The following TCF4 variants were observed in gnomAD, a reference collection of about 807,000 sequenced individuals.
TCF4 encodes SL3-3 enhancer factor 2.
A neutral mutation model predicts 82.1 loss-of-function variants in TCF4; 3 were observed. The ratio of observed to expected loss-of-function variants is 0.04; its 90% CI spans 0.02 to 0.09. The LOEUF is 0.09. Ranked by LOEUF, TCF4 falls within the 10% of genes least tolerant of loss-of-function variation. The probability of loss-of-function intolerance (pLI) is 1.00; values close to 1 mark genes in which losing one functional copy is unlikely to be tolerated. For synonymous variants in TCF4, 276 were observed against 309.6 expected, an observed-to-expected ratio of 0.89 and a Z score of 1.14; for missense variants, 518 against 852.7, an observed-to-expected ratio of 0.61 and a Z score of 4.89.
At chr18:55,362,391 AAAGAAGGAAGGAAG>A (rs2085550563) in intron 6 of TCF4, among the ~76,000 whole-genome samples, 7 of 103,950 alleles carry the variant, frequency 6.7e-5, no homozygotes, top group African/African-American at 1.7e-4. Context: ...GGAAGGAAGG[AAAGAAGGAAGGAAG>A]GAAGGAAGGA....
At chr18:55,566,501 G>T (rs574326972) in intron 3 of TCF4, among the ~76,000 whole-genome samples, 1 of 151,996 alleles carries the variant, frequency 6.6e-6, no homozygotes, top group Admixed American at 6.5e-5. Flanking sequence ...TCACAAAAAT[G>T]AACAAGAAAT....
At chr18:55,432,159 T>G (rs1209638244) in intron 5 of TCF4, among the ~76,000 whole-genome samples, 2 of 151,966 alleles carry the variant, frequency 1.3e-5, no homozygotes, top group African/African-American at 4.8e-5. Context: ...AAAAATTAGC[T>G]GGGCCTGGTG....
intron 5 of TCF4, among the ~76,000 whole-genome samples, chr18:55,459,780 A>G (rs897424608): frequency 2.6e-5 from 4 of 152,184 alleles, no homozygotes; most frequent in African/African-American, 9.7e-5. Flanking sequence ...ACAATGTTAA[A>G]ACGTAAATAT....
chr18:55,302,565 C>A, intron 8 of TCF4: 5 of 1,534,954 alleles, frequency 3.3e-6, no homozygotes, highest in Non-Finnish European at 3.5e-6. Context: ...GCAAGCAGGA[C>A]CACAGCCCAG....
At chr18:55,480,808 C>T (rs975950188) in intron 3 of TCF4, among the ~76,000 whole-genome samples, 1 of 152,146 alleles carries the variant, frequency 6.6e-6, no homozygotes, top group Non-Finnish European at 1.5e-5. Context: ...ATAGGCCAGG[C>T]GTGGTGGCTT....
intron 3 of TCF4, among the ~76,000 whole-genome samples, chr18:55,581,674 T>C (rs2097576293): frequency 1.3e-5 from 2 of 152,056 alleles, no homozygotes; most frequent in African/African-American, 4.8e-5. Flanking sequence ...CATACAAAAC[T>C]ACCCACCGGA....
intron 3 of TCF4, among the ~76,000 whole-genome samples, chr18:55,515,020 T>C (rs2146365354): frequency 6.6e-6 from 1 of 152,244 alleles, no homozygotes; most frequent in South Asian, 2.1e-4. Context: ...ACCTATAATA[T>C]TACTTTCTTA....
At chr18:55,515,655 C>T (rs2096873944) in intron 3 of TCF4, among the ~76,000 whole-genome samples, 1 of 152,168 alleles carries the variant, frequency 6.6e-6, no homozygotes, top group Non-Finnish European at 1.5e-5. Flanking sequence ...AAGCCAATCA[C>T]ACATGCTACT....
At chr18:55,236,151 A>G (rs549964401) in intron 15 of TCF4, among the ~76,000 whole-genome samples, 1 of 152,040 alleles carries the variant, frequency 6.6e-6, no homozygotes, top group Admixed American at 6.6e-5. Context: ...AATCATATTA[A>G]TTGTTTGGAT....
intron 3 of TCF4, among the ~76,000 whole-genome samples, chr18:55,544,449 A>T (rs1463116936): frequency 1.3e-5 from 2 of 152,084 alleles, no homozygotes; most frequent in African/African-American, 4.8e-5. Flanking sequence ...CTCTTTAAGG[A>T]TTTTGCTAAG....
intron 8 of TCF4, among the ~76,000 whole-genome samples, chr18:55,309,231 TCTC>T (rs1478237895): frequency 1.3e-5 from 2 of 151,954 alleles, no homozygotes; most frequent in African/African-American, 4.8e-5. Flanking sequence ...CCTGCCTCAA[TCTC>T]CTAAGTAGCT....
intron 3 of TCF4, among the ~76,000 whole-genome samples, chr18:55,563,919 T>G (rs991873430): frequency 2.0e-5 from 3 of 152,260 alleles, no homozygotes; most frequent in Admixed American, 6.5e-5. Flanking sequence ...CCAATGACAC[T>G]ATGACTAAAT....
intron 3 of TCF4, among the ~76,000 whole-genome samples, chr18:55,490,496 TAGC>T (rs1469746757): frequency 1.3e-5 from 2 of 151,702 alleles, no homozygotes; most frequent in Non-Finnish European, 3.0e-5. Context: ...GTACTATACT[TAGC>T]AGAGTATCAT....
At chr18:55,531,578 T>A (rs926177008) in intron 3 of TCF4, among the ~76,000 whole-genome samples, 4 of 152,222 alleles carry the variant, frequency 2.6e-5, no homozygotes, top group Admixed American at 2.6e-4. Flanking sequence ...TGGCTACTAC[T>A]ATTTTGTAGA....
intron 3 of TCF4, among the ~76,000 whole-genome samples, chr18:55,567,866 G>T (rs1252785706): frequency 6.6e-6 from 1 of 152,080 alleles, no homozygotes; most frequent in Non-Finnish European, 1.5e-5. Flanking sequence ...AAATATCAAA[G>T]AACTGTTGCC....
At chr18:55,345,357 C>A (rs752803365) in intron 8 of TCF4, among the ~76,000 whole-genome samples, 1 of 150,242 alleles carries the variant, frequency 6.7e-6, no homozygotes, top group Admixed American at 6.6e-5. Flanking sequence ...GCATTAACTG[C>A]ACACACACAA....
upstream of TCF4, chr18:55,589,717 T>C (rs967885648): frequency 4.9e-5 from 50 of 1,027,772 alleles, no homozygotes; most frequent in Non-Finnish European, 5.8e-5. Context: ...ATCATCACCA[T>C]GGACTCCCCC....
chr18:55,228,073 G>A (rs1239642532), intron 19 of TCF4, 43 bp from the exon 20 acceptor site: 2 of 1,007,170 alleles, frequency 2.0e-6, no homozygotes, highest in Non-Finnish European at 2.9e-6. Context: ...TAATATATTT[G>A]TAACAGAAAA....
chr18:55,236,344 A>G (rs1335164932), intron 15 of TCF4, among the ~76,000 whole-genome samples: 5 of 152,086 alleles, frequency 3.3e-5, no homozygotes, highest in South Asian at 2.1e-4. Context: ...ACTGAGACTG[A>G]TATCTCCCAA....
Sources: allele counts gnomAD v4.1 joint callset (sites outside exome capture counted in the v4.1 genomes callset), GRCh38; gene constraint gnomAD v4.1.1; transcripts MANE v1.5; gene names NCBI Gene and HGNC (gene_info 2026-07-23, HGNC 2026-07-21).